Variants in CGRRF1 observed in about 807,000 individuals in gnomAD.
The protein encoded by CGRRF1 is cell growth regulator with ring finger domain 1, also known as cell growth regulator with RING finger domain protein 1.
CGRRF1 carries 32 observed loss-of-function variants against 37.2 expected under a neutral mutation model. The observed-to-expected ratio is 0.86, with a 90% CI of 0.65 to 1.16. The LOEUF is 1.16. Among genes scored for constraint, CGRRF1 ranks in the 50% most tolerant of loss-of-function variants. The pLI is 0.00. For synonymous variants in CGRRF1, 141 were observed against 140.3 expected, an observed-to-expected ratio of 1.00 and a Z score of -0.04; for missense variants, 391 against 382.6, an observed-to-expected ratio of 1.02 and a Z score of -0.18.
At chr14:54,518,059 A>C (rs576898567) in intron 1 of CGRRF1, among the ~76,000 whole-genome samples, 8 of 152,258 alleles carry the variant, frequency 5.3e-5, no homozygotes, top group African/African-American at 1.9e-4. Context: ...TGTCTTTGCT[A>C]TTGTGACTAG....
intron 4 of CGRRF1, among the ~76,000 whole-genome samples, chr14:54,531,408 T>C (rs1426637159): frequency 6.6e-6 from 1 of 152,192 alleles, no homozygotes; most frequent in African/African-American, 2.4e-5. Flanking sequence ...CACAGTAATA[T>C]GACTTTATTT....
chr14:54,531,005 G>A lies in CGRRF1; in HGVS notation c.525G>A (p.Ala175=), dbSNP rs759583328. 185 of 1,612,368 alleles carry A rather than the reference G, an allele frequency of 1.1e-4. No individual in the cohort carries two copies. In the South Asian group the frequency reaches 1.6e-3, roughly 14 times the overall value. Residue 175 remains alanine (A), a synonymous_variant, in exon 4 of 6, where the codon GCG becomes GCA. Coordinates refer to ENST00000216420, the MANE Select transcript of CGRRF1 (RefSeq NM_006568.3). The stretch of plus-strand genomic sequence containing the variant: ...CCAGATCTCGCTATCCATTGGTAGC[G>A]CTATTGACCTTAGCTGATGAGGATG... The part of the protein sequence containing the change: ...TVPRSRYPLV[A]LLTLADEDDR...
Position 54,531,058 on chromosome 14 carries a change from A to G in CGRRF1, c.570+8A>G. 1.9e-6 allele frequency: 3 copies of G among 1,596,326 alleles called. No individual in the cohort carries two copies. The highest frequency in any genetic ancestry group is 2.6e-6 in the Non-Finnish European group (3 of 1,172,442). On this transcript the variant is annotated splice_region_variant and intron_variant, in intron 4 of 5. Transcript: ENST00000216420. ...CGGGAAATTTATGATATTGTAAGTA[A>G]TTGAAAATTTTGAAAGCATTACCTT...
Position 54,538,578 on chromosome 14 carries a change from G to T in CGRRF1, c.*195G>T. 1 of 399,930 alleles carries T rather than the reference G, an allele frequency of 2.5e-6. No homozygotes were observed. Among genetic ancestry groups the T allele is most frequent in the Admixed American group, 4.0e-5 (1 of 24,946 alleles). 24.8% of individuals were successfully genotyped at this position (399,930 alleles called of 1,614,324 possible). On this transcript the variant is annotated 3_prime_UTR_variant, in exon 6 of 6. Transcript: ENST00000216420. ...AGTGAATGAATACTGGAATCCATCT[G>T]TGTTGATACATAAAAATTCATTCAA...
chr14:54,513,404 G>C (rs61987160), intron 1 of CGRRF1, among the ~76,000 whole-genome samples: 6,348 of 152,284 alleles, frequency 0.042, 251 homozygotes, highest in East Asian at 0.18. Context: ...AAGTGAGATA[G>C]GTGCTTCTTT....
intron 3 of CGRRF1, 121 bp from the exon 4 acceptor site, chr14:54,530,782 T>C (rs2032500139): frequency 9.8e-6 from 9 of 914,520 alleles, no homozygotes; most frequent in Non-Finnish European, 1.4e-5. Flanking sequence ...TTATCTGATA[T>C]ACCCATTAGC....
At chr14:54,535,020 A>G (rs967176787) in intron 4 of CGRRF1, among the ~76,000 whole-genome samples, 1 of 152,190 alleles carries the variant, frequency 6.6e-6, no homozygotes, top group Non-Finnish European at 1.5e-5. Context: ...CACCCAGCCT[A>G]CCCATATGTT....
intron 1 of CGRRF1, among the ~76,000 whole-genome samples, chr14:54,519,070 G>A (rs1291152134): frequency 1.3e-5 from 2 of 151,996 alleles, no homozygotes; most frequent in Non-Finnish European, 2.9e-5. Context: ...AGCCTCCCAA[G>A]TAGCTGGGAT....
chr14:54,535,372 C>A (rs2032583803), intron 4 of CGRRF1, among the ~76,000 whole-genome samples: 1 of 143,720 alleles, frequency 7.0e-6, no homozygotes, highest in South Asian at 2.1e-4. Flanking sequence ...CACACACACA[C>A]ACACACACAC....
chr14:54,530,350 C>T (rs1182915288), intron 3 of CGRRF1, 124 bp downstream of exon 3: 1 of 1,277,136 alleles, frequency 7.8e-7, no homozygotes, highest in Non-Finnish European at 1.1e-6. Flanking sequence ...AATAAGCACT[C>T]CTCAAGCATT....
chr14:54,511,170 C>T (rs898822952), intron 1 of CGRRF1, among the ~76,000 whole-genome samples: 1 of 152,192 alleles, frequency 6.6e-6, no homozygotes, highest in South Asian at 2.1e-4. Context: ...TTAAAGAACA[C>T]GGGCCCTTGT....
chr14:54,528,943 T>A (rs1236746207), intron 2 of CGRRF1, among the ~76,000 whole-genome samples: 2 of 152,220 alleles, frequency 1.3e-5, no homozygotes, highest in East Asian at 3.8e-4. Flanking sequence ...CATCTGCTTG[T>A]ATTTGTGTAT....
At chr14:54,511,121 A>T (rs995354352) in intron 1 of CGRRF1, among the ~76,000 whole-genome samples, 4 of 152,242 alleles carry the variant, frequency 2.6e-5, no homozygotes, top group African/African-American at 9.6e-5. Context: ...ACGTAAAACG[A>T]GTTTTAAAAT....
At chr14:54,524,617 T>G (rs1233793623) in intron 2 of CGRRF1, among the ~76,000 whole-genome samples, 2 of 152,030 alleles carry the variant, frequency 1.3e-5, no homozygotes, top group African/African-American at 4.8e-5. Flanking sequence ...GGTCTCAAAC[T>G]TCTGGCCTCA....
At chr14:54,519,354 C>T (rs549045808) in intron 1 of CGRRF1, among the ~76,000 whole-genome samples, 1 of 152,060 alleles carries the variant, frequency 6.6e-6, no homozygotes, top group Non-Finnish European at 1.5e-5. Flanking sequence ...CCTTCCACCT[C>T]AGCCTCTTAA....
intron 1 of CGRRF1, among the ~76,000 whole-genome samples, chr14:54,516,815 C>T (rs1476153062): frequency 1.3e-5 from 2 of 152,148 alleles, no homozygotes; most frequent in African/African-American, 4.8e-5. Flanking sequence ...TAAAAGTTGG[C>T]TTACTGATGC....
chr14:54,534,893 T>A (rs1214449342), intron 4 of CGRRF1, among the ~76,000 whole-genome samples: 1 of 152,028 alleles, frequency 6.6e-6, no homozygotes, highest in Non-Finnish European at 1.5e-5. Flanking sequence ...TTAAAAAAAA[T>A]TTTTTTCTAA....
At chr14:54,510,096 G>C in intron 1 of CGRRF1, 33 bp downstream of exon 1, 2 of 1,516,852 alleles carry the variant, frequency 1.3e-6, no homozygotes, top group African/African-American at 2.7e-5. Context: ...ACGAAGGGGC[G>C]GATACCGCCA....
chr14:54,514,485 G>A (rs941143360), intron 1 of CGRRF1, among the ~76,000 whole-genome samples: 3 of 152,190 alleles, frequency 2.0e-5, no homozygotes, highest in Non-Finnish European at 2.9e-5. Flanking sequence ...ACATGTGAAG[G>A]TTTGTTACAT....
Sources: gnomAD v4.1 joint callset for allele counts (sites outside exome capture counted in the v4.1 genomes callset) on GRCh38, gnomAD v4.1.1 for gene constraint, MANE v1.5 for transcripts, NCBI Gene and HGNC (gene_info 2026-07-23, HGNC 2026-07-21) for gene names.